PIK3CD: variants seen among roughly 807,000 people sequenced by gnomAD.
The protein encoded by PIK3CD is phosphatidylinositol-4,5-bisphosphate 3-kinase catalytic subunit delta.
In PIK3CD, 20 loss-of-function variants were observed where a neutral mutation model predicts 122.9. The observed-to-expected ratio is 0.16, with a 90% confidence interval of 0.11 to 0.24. The LOEUF is 0.24. Ranked by LOEUF, PIK3CD falls within the 10% of genes least tolerant of loss-of-function variation. The pLI is 1.00. For missense variants in PIK3CD, 787 were observed against 1,406.3 expected (o/e 0.56, Z 7.04); for synonymous variants, 596 against 593.4 (o/e 1.00, Z -0.06).
chr1:9,687,752 G>A (rs960320207), intron 1 of PIK3CD, among the ~76,000 whole-genome samples: 2 of 152,200 alleles, frequency 1.3e-5, no homozygotes, highest in African/African-American at 4.8e-5. Context: ...CTGTGTGTCC[G>A]TTTACATGAT....
At position 9,717,529 on chromosome 1, in the gene PIK3CD, G is replaced by T; in HGVS notation, c.931-8G>T. 6.2e-7 allele frequency: 1 copy of T among 1,613,664 alleles called. No individual in the cohort carries two copies. The highest frequency in any genetic ancestry group is 1.1e-5 in the South Asian group (1 of 91,088). ...CCGTGTTAACAGCCCTGCTTCCCCG[G>T]CCCCCAGCCTTCCTCTGTGTCCCTG... On this transcript the variant is annotated splice_region_variant and splice_polypyrimidine_tract_variant and intron_variant, in intron 7 of 23. Coordinates refer to ENST00000377346, the MANE Select transcript of PIK3CD (RefSeq NM_005026.5). This position sits in a 1 kb window ranked among gnomAD's most constrained non-coding sequence, Gnocchi z 5.4.
chr1:9,711,659 AATCTCCCCAGGCTT>A (rs1214258952), intron 3 of PIK3CD, among the ~76,000 whole-genome samples: 1 of 150,492 alleles, frequency 6.6e-6, no homozygotes, highest in African/African-American at 2.4e-5. Context: ...CTGCAGCCTC[AATCTCCCCAGGCTT>A]AGGTGAGCCT....
intron 2 of PIK3CD, among the ~76,000 whole-genome samples, chr1:9,692,695 A>G (rs1323438758): frequency 6.6e-6 from 1 of 152,188 alleles, no homozygotes. Flanking sequence ...ACACCACTGC[A>G]CTCCAGCCTG....
chr1:9,646,015 G>A, the PIK3CD span, among the ~76,000 whole-genome samples: 4 of 151,452 alleles, frequency 2.6e-5, no homozygotes, highest in South Asian at 2.1e-4. Flanking sequence ...CAGGTGATCC[G>A]CCCACCTCAG....
intron 1 of PIK3CD, among the ~76,000 whole-genome samples, chr1:9,683,712 A>T (rs1645859798): frequency 6.6e-6 from 1 of 152,144 alleles, no homozygotes; most frequent in Non-Finnish European, 1.5e-5. Context: ...GCTCAGCGGT[A>T]TAAAGCAACA....
chr1:9,692,634 G>A (rs555272068), intron 2 of PIK3CD, among the ~76,000 whole-genome samples: 186 of 152,272 alleles, frequency 1.2e-3, no homozygotes, highest in African/African-American at 3.8e-3. Context: ...AGAGGCTGAG[G>A]CAGGAGAATC....
chr1:9,716,842 T>A (rs1185176577), intron 6 of PIK3CD, 117 bp from the exon 7 acceptor site: 2 of 1,436,898 alleles, frequency 1.4e-6, no homozygotes, highest in African/African-American at 2.8e-5. Flanking sequence ...CAGGAAGCCC[T>A]CCCCTCTCCC....
chr1:9,636,348 C>T, the PIK3CD span, among the ~76,000 whole-genome samples: 1 of 152,156 alleles, frequency 6.6e-6, no homozygotes, highest in African/African-American at 2.4e-5. Flanking sequence ...TGCCCACTAC[C>T]ATACCTGGAT....
chr1:9,692,249 T>A (rs990647309), intron 2 of PIK3CD, among the ~76,000 whole-genome samples: 2 of 152,102 alleles, frequency 1.3e-5, no homozygotes. Context: ...TCTGGGTGCA[T>A]AACATATTCT....
At chr1:9,726,054 A>G (rs1024616857) in intron 23 of PIK3CD, among the ~76,000 whole-genome samples, 5 of 151,496 alleles carry the variant, frequency 3.3e-5, no homozygotes, top group African/African-American at 1.2e-4. Context: ...TCTACTTAAA[A>G]TACAAAAAAT....
Position 9,720,560 on chromosome 1 carries a change from C to G in PIK3CD, c.1471-51C>G. On this transcript the variant is annotated intron_variant, in intron 11 of 23. Transcript: ENST00000377346. This position sits in a 1 kb window ranked among gnomAD's most constrained non-coding sequence, Gnocchi z 9.0. Reference sequence around the variant, plus strand: ...GGCAATGCCCGGCCTGGGGGTCCTGCCCGGGCTGGTCCAGGCCCCTGGGGA... The same window carrying G: ...GGCAATGCCCGGCCTGGGGGTCCTGGCCGGGCTGGTCCAGGCCCCTGGGGA... The G allele has an allele frequency of 1.3e-6, 2 of 1,548,970 alleles. No homozygotes were observed. The highest frequency in any genetic ancestry group is 2.4e-5 in the South Asian group (2 of 83,880).
chr1:9,719,552 T>C lies in PIK3CD; in HGVS notation c.1243-369T>C, dbSNP rs1648142346. ...GGCACATGCCTGTAATCTCAGCTAC[T>C]TGGGAGGCTGAGGCAGGATAATTGC... On this transcript the variant is annotated intron_variant, in intron 9 of 23. Transcript: ENST00000377346. The surrounding 1 kb of genome is among the most constrained non-coding windows in gnomAD (Gnocchi z 5.5). Among the ~76,000 whole-genome samples the C allele has an allele frequency of 6.6e-6, 1 of 151,954 alleles. No individual in the cohort carries two copies. The highest frequency in any genetic ancestry group is 2.4e-5 in the African/African-American group (1 of 41,372).
chr1:9,643,441 G>A, the PIK3CD span, among the ~76,000 whole-genome samples: 1 of 124,756 alleles, frequency 8.0e-6, no homozygotes, highest in Non-Finnish European at 1.7e-5. Flanking sequence ...AGAGAGAGAG[G>A]GGAAGGAAGG....
chr1:9,652,190 G>A lies in PIK3CD; in HGVS notation c.-138+388G>A, dbSNP rs1644695413. 6.6e-6 allele frequency among the ~76,000 whole-genome samples: 1 copy of A among 152,088 alleles called. No homozygotes were observed. Among genetic ancestry groups the A allele is most frequent in the African/African-American group, 2.4e-5 (1 of 41,444 alleles). Reference sequence around the variant, plus strand: ...CGGCTGAGGCGCGAGGATACTGGAAGCGCTCAGCGCGTGCGCCCGCTCCGA... The same window carrying A: ...CGGCTGAGGCGCGAGGATACTGGAAACGCTCAGCGCGTGCGCCCGCTCCGA... On this transcript the variant is annotated intron_variant, in intron 1 of 23. Transcript: ENST00000377346. This position sits in a 1 kb window ranked among gnomAD's most constrained non-coding sequence, Gnocchi z 6.2.
chr1:9,723,238 C>T lies in PIK3CD; in HGVS notation c.2540C>T (p.Thr847Ile). Residue 847 changes from threonine (T) to isoleucine (I), a missense_variant, in exon 20 of 24, where the codon ACA becomes ATA. Coordinates refer to ENST00000377346, the MANE Select transcript of PIK3CD (RefSeq NM_005026.5). The surrounding 1 kb of genome is among the most constrained non-coding windows in gnomAD (Gnocchi z 4.9). ...IQLNKSNMAA[T>I]AAFNKDALLN... ...CTCAACAAGAGCAACATGGCAGCCA[C>T]AGCCGCCTTCAACAAGGATGCCCTG... 1 of 1,614,056 alleles carries T rather than the reference C, an allele frequency of 6.2e-7. No individual in the cohort carries two copies. The highest frequency in any genetic ancestry group is 8.5e-7 in the Non-Finnish European group (1 of 1,180,044).
intron 1 of PIK3CD, among the ~76,000 whole-genome samples, chr1:9,657,446 C>T (rs1162930239): frequency 1.3e-5 from 2 of 151,994 alleles, no homozygotes; most frequent in Non-Finnish European, 2.9e-5. Context: ...TGCCACTTTC[C>T]CCTGGGTGAC....
At position 9,724,953 on chromosome 1, in the gene PIK3CD, A is replaced by G. The variant is rs1196117386; in HGVS notation, c.2997+17A>G. The G allele has an allele frequency of 6.2e-7, 1 of 1,613,346 alleles. No homozygotes were observed. The highest frequency in any genetic ancestry group is 1.7e-5 in the Admixed American group (1 of 60,032). On this transcript the variant is annotated intron_variant, in intron 23 of 23. Transcript: ENST00000377346. The surrounding 1 kb of genome is among the most constrained non-coding windows in gnomAD (Gnocchi z 7.3). Reference sequence around the variant, plus strand: ...TATCTCAAGGTATGTGCCGGGCAGGAGACTGCTGTCGCCAGTGGACTTCCA... The same window carrying G: ...TATCTCAAGGTATGTGCCGGGCAGGGGACTGCTGTCGCCAGTGGACTTCCA...
chr1:9,663,073 C>T (rs542127096), intron 1 of PIK3CD, among the ~76,000 whole-genome samples: 2 of 152,258 alleles, frequency 1.3e-5, no homozygotes, highest in Non-Finnish European at 2.9e-5. Context: ...GGCTGTACAG[C>T]GTGTTCTGTG....
At chr1:9,685,302 G>T in intron 1 of PIK3CD, among the ~76,000 whole-genome samples, 1 of 151,528 alleles carries the variant, frequency 6.6e-6, no homozygotes, top group East Asian at 1.9e-4. Context: ...TGGTTTTTTT[G>T]TTTGTTTGTT....
Sources: gnomAD v4.1 joint callset for allele counts (sites outside exome capture counted in the v4.1 genomes callset) on GRCh38, gnomAD v4.1.1 for gene constraint, Gnocchi (gnomAD v3.1) non-coding constraint, MANE v1.5 for transcripts, NCBI Gene and HGNC (gene_info 2026-07-23, HGNC 2026-07-21) for gene names.